PLS3: variants seen among roughly 807,000 people sequenced by gnomAD.
The protein encoded by PLS3 is plastin-3.
PLS3 carries 11 observed loss-of-function variants against 46.5 expected under a neutral mutation model. The ratio of observed to expected loss-of-function variants is 0.24; its 90% CI spans 0.15 to 0.39. PLS3 has a LOEUF of 0.39. Ranked by LOEUF, PLS3 falls within the 10% of genes least tolerant of loss-of-function variation. The pLI is 1.00. For synonymous variants in PLS3, 167 were observed against 162.2 expected, an observed-to-expected ratio of 1.03 and a Z score of -0.22; for missense variants, 308 against 461.8, an observed-to-expected ratio of 0.67 and a Z score of 3.05.
At chrX:115,637,877 C>A (rs782460031) in intron 8 of PLS3, among the ~76,000 whole-genome samples, 12 of 111,609 alleles carry the variant, frequency 1.1e-4, no homozygotes, top group Non-Finnish European at 1.5e-4. Context: ...AAGAGTAGCC[C>A]CAAAATTATA....
At chrX:115,568,713 A>G (rs2074193030) in intron 1 of PLS3, among the ~76,000 whole-genome samples, 2 of 112,316 alleles carry the variant, frequency 1.8e-5, no homozygotes, top group Admixed American at 1.9e-4. Flanking sequence ...GGCTTAAACA[A>G]AAAGATAGCC....
chrX:115,588,468 T>G (rs73579774), intron 1 of PLS3, among the ~76,000 whole-genome samples: 1,720 of 112,378 alleles, frequency 0.015, 33 homozygotes, highest in African/African-American at 0.053. Flanking sequence ...TCACTACACT[T>G]TTTTTGAAAA....
intron 1 of PLS3, among the ~76,000 whole-genome samples, chrX:115,565,915 A>T (rs1237425588): frequency 1.8e-5 from 2 of 112,267 alleles, no homozygotes; most frequent in East Asian, 5.6e-4. Flanking sequence ...AGTGTTGTTT[A>T]TTGGAAAAGC....
chrX:115,636,457 C>A (rs1476306578), intron 7 of PLS3, among the ~76,000 whole-genome samples: 1 of 111,314 alleles, frequency 9.0e-6, no homozygotes, highest in South Asian at 3.8e-4. Flanking sequence ...CCGCCCGCCT[C>A]GGCCTCCCAA....
At chrX:115,635,756 G>T in intron 7 of PLS3, among the ~76,000 whole-genome samples, 1 of 109,512 alleles carries the variant, frequency 9.1e-6, no homozygotes, top group East Asian at 2.9e-4. Context: ...TTGGGAGGCC[G>T]AGACAGGTGG....
intron 1 of PLS3, among the ~76,000 whole-genome samples, chrX:115,606,828 G>A (rs1387262664): frequency 1.8e-5 from 2 of 111,190 alleles, no homozygotes; most frequent in African/African-American, 6.5e-5. Context: ...TTTAACTTAC[G>A]AATTTTAAAA....
rs782452056 is a variant in PLS3 at position 115,573,909 on chromosome X, G to C, written c.-9+12649G>C. The stretch of plus-strand genomic sequence containing the variant: ...AGTAGAGATGGGTTTTCACTGTGTT[G>C]ACCAGGCTGGTCTCGAACTCCTGGC... On this transcript the variant is annotated intron_variant, in intron 1 of 15. Transcript: ENST00000355899. Among the ~76,000 whole-genome samples, 5 of 110,897 alleles carry C rather than the reference G, an allele frequency of 4.5e-5. No individual in the cohort carries two copies. In the East Asian group the frequency reaches 1.4e-3, roughly 31 times the overall value.
intron 1 of PLS3, among the ~76,000 whole-genome samples, chrX:115,581,757 A>G (rs1344951194): frequency 8.9e-6 from 1 of 112,451 alleles, no homozygotes; most frequent in Non-Finnish European, 1.9e-5. Context: ...AAAGTGTATA[A>G]CTGTTGGTCT....
At chrX:115,606,288 C>T (rs1338433822) in intron 1 of PLS3, among the ~76,000 whole-genome samples, 1 of 103,375 alleles carries the variant, frequency 9.7e-6, no homozygotes, top group Non-Finnish European at 2.0e-5. Context: ...CAGGCACGCA[C>T]CACCACTCCT....
chrX:115,589,012 C>G (rs1181342837), intron 1 of PLS3, among the ~76,000 whole-genome samples: 1 of 111,660 alleles, frequency 9.0e-6, no homozygotes. Context: ...TTTTCTTCTG[C>G]GACAGTCTTG....
intron 1 of PLS3, among the ~76,000 whole-genome samples, chrX:115,573,712 T>G (rs1556630924): frequency 9.0e-6 from 1 of 111,708 alleles, no homozygotes; most frequent in East Asian, 2.8e-4. Flanking sequence ...ACTTTATTTT[T>G]TTATTTTTTG....
intron 15 of PLS3, among the ~76,000 whole-genome samples, chrX:115,648,518 T>G (rs1356125249): frequency 9.0e-6 from 1 of 111,082 alleles, no homozygotes; most frequent in Non-Finnish European, 1.9e-5. Flanking sequence ...TTCTTGCATT[T>G]CAACAATATT....
chrX:115,635,096 A>T lies in PLS3; in HGVS notation c.748+50A>T, dbSNP rs782586928. On this transcript the variant is annotated intron_variant, in intron 7 of 15. Transcript: ENST00000355899. Reference sequence around the variant, plus strand: ...AGTTGTTTATTGGTTATTTTTTTCTAGTCATGCAGACTTTCGTGCTCTCAC... The same window carrying T: ...AGTTGTTTATTGGTTATTTTTTTCTTGTCATGCAGACTTTCGTGCTCTCAC... 2.4e-5 allele frequency: 26 copies of T among 1,071,469 alleles called. No individual in the cohort carries two copies. In the South Asian group the frequency reaches 4.7e-4, roughly 19 times the overall value. 88.3% of individuals were successfully genotyped at this position (1,071,469 alleles called of 1,213,427 possible). A position where few individuals can be genotyped will look rare whatever the true frequency, so the allele number is the denominator to read the frequency against.
intron 3 of PLS3, 127 bp downstream of exon 3, chrX:115,622,536 C>G (rs782091064): frequency 2.3e-5 from 9 of 388,949 alleles, no homozygotes; most frequent in Non-Finnish European, 3.9e-5. Flanking sequence ...TATAACATTT[C>G]TGTCATCCTG....
At chrX:115,607,866 CT>C (rs2147482973) in intron 1 of PLS3, among the ~76,000 whole-genome samples, 1 of 111,834 alleles carries the variant, frequency 8.9e-6, no homozygotes, top group Admixed American at 9.6e-5. Flanking sequence ...ATGGTAAAAA[CT>C]TAGCTAATAG....
chrX:115,567,474 C>T (rs1204554232), intron 1 of PLS3, among the ~76,000 whole-genome samples: 2 of 109,773 alleles, frequency 1.8e-5, no homozygotes, highest in African/African-American at 3.3e-5. Context: ...GCTTGTAGTC[C>T]CAGCTACCCA....
At chrX:115,616,583 T>C (rs1556636845) in intron 2 of PLS3, among the ~76,000 whole-genome samples, 1 of 112,244 alleles carries the variant, frequency 8.9e-6, no homozygotes, top group Non-Finnish European at 1.9e-5. Flanking sequence ...TAAAATCCCA[T>C]TATGCTACCT....
chrX:115,627,367 AACACTTT>A (rs1260634339), intron 3 of PLS3, among the ~76,000 whole-genome samples: 1 of 112,179 alleles, frequency 8.9e-6, no homozygotes, highest in Non-Finnish European at 1.9e-5. Context: ...CTGAAGCTGT[AACACTTT>A]TGTCATTGCA....
intron 15 of PLS3, 78 bp downstream of exon 15, chrX:115,648,095 C>A: frequency 1.3e-6 from 1 of 797,082 alleles, no homozygotes; most frequent in Non-Finnish European, 1.9e-6. Context: ...CAGGTTCTGC[C>A]ATTTAAGAGT....
Sources: gnomAD v4.1 joint callset for allele counts (sites outside exome capture counted in the v4.1 genomes callset) on GRCh38, gnomAD v4.1.1 for gene constraint, MANE v1.5 for transcripts, NCBI Gene and HGNC (gene_info 2026-07-23, HGNC 2026-07-21) for gene names.